The following MZT2B variants were observed in gnomAD, a reference collection of about 807,000 sequenced individuals.
The protein encoded by MZT2B is mitotic spindle organizing protein 2B.
Under a neutral mutation model 12.1 loss-of-function variants are expected in MZT2B, and 11 were observed. The ratio of observed to expected loss-of-function variants is 0.91; its 90% confidence interval spans 0.57 to 1.50. The LOEUF (loss-of-function observed/expected upper bound fraction) is 1.50. Among genes scored for constraint, MZT2B ranks in the 40% most tolerant of loss-of-function variants. The pLI, the probability that MZT2B is intolerant of heterozygous loss-of-function variation, is 0.00. For missense variants in MZT2B, 209 were observed against 227.7 expected, an observed-to-expected ratio of 0.92 and a Z score of 0.53; for synonymous variants, 85 against 109.5, an observed-to-expected ratio of 0.78 and a Z score of 1.40.
chr2:130,184,913 C>G (rs575353023), intron 2 of MZT2B: 1 of 984,604 alleles, frequency 1.0e-6, no homozygotes, highest in Non-Finnish European at 1.2e-6. Context: ...ACCTGTAATC[C>G]CAGCACTTTG....
chr2:130,183,905 T>C, intron 2 of MZT2B: 1 of 1,550,502 alleles, frequency 6.4e-7, no homozygotes, highest in Non-Finnish European at 8.7e-7. Context: ...CACACTCGCC[T>C]CTCTCTCCAG....
At chr2:130,186,542 G>T (rs1435090416) in intron 2 of MZT2B, among the ~76,000 whole-genome samples, 3 of 152,192 alleles carry the variant, frequency 2.0e-5, no homozygotes. Context: ...CACCTGAGCT[G>T]TGCTGCCTGA....
the MZT2B span, among the ~76,000 whole-genome samples, chr2:130,198,042 A>G: frequency 1.6e-5 from 2 of 123,520 alleles, no homozygotes; most frequent in African/African-American, 5.8e-5. Flanking sequence ...CCAGTAGCAC[A>G]AAGACGTGTG....
the MZT2B span, among the ~76,000 whole-genome samples, chr2:130,198,071 C>T: frequency 2.4e-5 from 3 of 123,394 alleles, no homozygotes; most frequent in African/African-American, 2.9e-5. Context: ...GCAGCGCCCT[C>T]CTGTCTTCAG....
At chr2:130,182,549 C>G in intron 1 of MZT2B, 78 bp from the exon 2 acceptor site, 1 of 1,562,836 alleles carries the variant, frequency 6.4e-7, no homozygotes. Flanking sequence ...AGCCCCCGCC[C>G]CCGTCCTTGT....
chr2:130,189,057 G>C (rs1690166661), intron 2 of MZT2B, among the ~76,000 whole-genome samples: 1 of 152,104 alleles, frequency 6.6e-6, no homozygotes, highest in Non-Finnish European at 1.5e-5. Flanking sequence ...TCCTGCAAGG[G>C]ACTGCCCCAA....
At chr2:130,201,701 C>G in the MZT2B span, among the ~76,000 whole-genome samples, 3 of 152,202 alleles carry the variant, frequency 2.0e-5, no homozygotes, top group African/African-American at 7.2e-5. Context: ...AGCCACGCAT[C>G]CTTCAGCGGC....
the MZT2B span, chr2:130,198,445 GCC>G: frequency 7.6e-7 from 1 of 1,323,710 alleles, no homozygotes; most frequent in Non-Finnish European, 1.0e-6. Context: ...GCAATGACCT[GCC>G]CACGCGCGCC....
chr2:130,197,505 AAAAG>A, the MZT2B span, among the ~76,000 whole-genome samples: 21 of 109,070 alleles, frequency 1.9e-4, no homozygotes, highest in African/African-American at 7.4e-4. Flanking sequence ...AAAAAAAAAA[AAAAG>A]AAAAGAAAAG....
downstream of MZT2B, chr2:130,194,174 G>C: frequency 6.2e-7 from 1 of 1,613,724 alleles, no homozygotes; most frequent in East Asian, 2.2e-5. Context: ...GTTGGTGTAC[G>C]TGGGACGTTC....
At chr2:130,197,322 A>G in the MZT2B span, among the ~76,000 whole-genome samples, 2 of 149,062 alleles carry the variant, frequency 1.3e-5, no homozygotes, top group East Asian at 2.0e-4. Context: ...CCCTGTCCCT[A>G]TGAAAAATTT....
chr2:130,185,979 A>G (rs1185930618), intron 2 of MZT2B, among the ~76,000 whole-genome samples: 2 of 151,814 alleles, frequency 1.3e-5, no homozygotes, highest in East Asian at 1.9e-4. Context: ...GGTGGAGGGG[A>G]ATGGGGCAGA....
At position 130,190,664 on chromosome 2, in the gene MZT2B, A is replaced by G; in HGVS notation, c.*38A>G. The G allele has an allele frequency of 6.3e-7, 1 of 1,582,232 alleles. No homozygotes were observed. The highest frequency in any genetic ancestry group is 8.6e-7 in the Non-Finnish European group (1 of 1,157,106). On this transcript the variant is annotated 3_prime_UTR_variant, in exon 3 of 3. Coordinates refer to ENST00000281871, the MANE Select transcript of MZT2B (RefSeq NM_025029.5). ...ACTTGTTGCATCTTTGTCCCCAGCA[A>G]AGGCTACATGTTACCTCCTTCAATT... is the stretch of plus-strand genomic sequence containing the variant.
chr2:130,184,252 A>C, intron 2 of MZT2B: 1 of 985,458 alleles, frequency 1.0e-6, no homozygotes, highest in Non-Finnish European at 1.2e-6. Flanking sequence ...CTCCAAGGGA[A>C]GACAGCCGGC....
At chr2:130,201,048 C>T in the MZT2B span, among the ~76,000 whole-genome samples, 1 of 152,250 alleles carries the variant, frequency 6.6e-6, no homozygotes, top group African/African-American at 2.4e-5. Context: ...ACTTTCCCTC[C>T]TGAGAGGAGA....
chr2:130,201,996 T>C, the MZT2B span, among the ~76,000 whole-genome samples: 23 of 152,348 alleles, frequency 1.5e-4, 1 homozygote, highest in South Asian at 4.1e-3. Flanking sequence ...GCAATATTTA[T>C]TTTTCTGATT....
At chr2:130,183,641 G>A (rs1468884541) in intron 2 of MZT2B, 5 of 1,359,230 alleles carry the variant, frequency 3.7e-6, no homozygotes, top group East Asian at 5.0e-5. Flanking sequence ...CTGAGAAGGC[G>A]TGGAGAGCAG....
At chr2:130,190,095 C>T (rs778266037) in intron 2 of MZT2B, among the ~76,000 whole-genome samples, 20 of 152,280 alleles carry the variant, frequency 1.3e-4, no homozygotes, top group African/African-American at 3.6e-4. Context: ...CTGCTGCTGC[C>T]GCCGCTGATG....
At chr2:130,197,988 C>A in the MZT2B span, among the ~76,000 whole-genome samples, 3 of 123,308 alleles carry the variant, frequency 2.4e-5, 1 homozygote, top group Non-Finnish European at 5.4e-5. Flanking sequence ...TGTCCACAGC[C>A]CCAACCCCCG....
Sources: gnomAD v4.1 joint callset for allele counts (sites outside exome capture counted in the v4.1 genomes callset) on GRCh38, gnomAD v4.1.1 for gene constraint, MANE v1.5 for transcripts, NCBI Gene and HGNC (gene_info 2026-07-23, HGNC 2026-07-21) for gene names.